The following EMC2 variants were observed in gnomAD, a reference collection of about 807,000 sequenced individuals.
EMC2 encodes the protein TPR repeat protein 35.
EMC2 carries 37 observed loss-of-function variants against 51.6 expected under a neutral mutation model. That is an observed-to-expected ratio of 0.72 (90% CI 0.55 to 0.94). The LOEUF (loss-of-function observed/expected upper bound fraction) is 0.94, where lower values mean the gene tolerates loss of function less well. Among genes scored for constraint, EMC2 ranks in the 40% least tolerant of loss-of-function variants. EMC2 has a pLI of 0.00. For missense variants in EMC2, 359 were observed against 350.9 expected, an observed-to-expected ratio of 1.02 and a Z score of -0.18; for synonymous variants, 131 against 112.4, an observed-to-expected ratio of 1.17 and a Z score of -1.04.
At chr8:108,443,818 G>A (rs1033892542) in intron 1 of EMC2, 120 bp downstream of exon 1, 41 of 833,168 alleles carry the variant, frequency 4.9e-5, no homozygotes, top group Middle Eastern at 5.3e-4. Flanking sequence ...AGCCCTCACT[G>A]TACGGGCCAA....
At chr8:108,462,828 G>A (rs964218377) in intron 5 of EMC2, among the ~76,000 whole-genome samples, 3 of 151,194 alleles carry the variant, frequency 2.0e-5, no homozygotes, top group African/African-American at 7.3e-5. Context: ...GCTCTGTGCC[G>A]GGATTACAGG....
chr8:108,449,763 C>T (rs143335929), intron 1 of EMC2, 60 bp from the exon 2 acceptor site: 19 of 677,112 alleles, frequency 2.8e-5, no homozygotes, highest in African/African-American at 1.3e-4. Flanking sequence ...TGACATCTAT[C>T]GGATGTGTAT....
intron 4 of EMC2, 77 bp from the exon 5 acceptor site, chr8:108,455,796 A>T (rs1325164217): frequency 9.1e-6 from 5 of 551,072 alleles, no homozygotes; most frequent in Non-Finnish European, 1.6e-5. Context: ...AGCCAGTTTA[A>T]TTTTTTTCTG....
At position 108,488,523 on chromosome 8, in the gene EMC2, C is replaced by T. The variant is rs1406532569; in HGVS notation, c.*1925C>T. On this transcript the variant is annotated 3_prime_UTR_variant, in exon 11 of 11. Coordinates refer to ENST00000220853, the MANE Select transcript of EMC2 (RefSeq NM_014673.5). ...TCCAAGATTTTATATTTGTTAAGCACATTGCCAATCCTTAGTTATTTATAA... is the reference window on the plus strand; with the variant it reads ...TCCAAGATTTTATATTTGTTAAGCATATTGCCAATCCTTAGTTATTTATAA... 1.3e-5 allele frequency among the ~76,000 whole-genome samples: 2 copies of T among 152,144 alleles called. No homozygotes were observed. The highest frequency in any genetic ancestry group is 4.8e-5 in the African/African-American group (2 of 41,432).
intron 5 of EMC2, among the ~76,000 whole-genome samples, chr8:108,456,608 T>A (rs1231581793): frequency 6.6e-6 from 1 of 152,150 alleles, no homozygotes; most frequent in Non-Finnish European, 1.5e-5. Context: ...CATACCCCTT[T>A]AATTTAGTGT....
In EMC2 at chr8:108,488,386, C is replaced by T. The variant is rs572722418; in HGVS notation, c.*1788C>T. Among the ~76,000 whole-genome samples, 67 of 152,166 alleles carry T rather than the reference C, an allele frequency of 4.4e-4. No homozygotes were observed. The highest frequency in any genetic ancestry group is 1.5e-3 in the African/African-American group (64 of 41,526). The stretch of plus-strand genomic sequence containing the variant: ...TGTTGGCCAGGCTGGTCTGAAACTC[C>T]TGGCCTCAAGTGATCTACCCGCCTC... On this transcript the variant is annotated 3_prime_UTR_variant, in exon 11 of 11. Coordinates refer to ENST00000220853, the MANE Select transcript of EMC2 (RefSeq NM_014673.5).
chr8:108,450,377 G>A, intron 2 of EMC2, 51 bp from the exon 3 acceptor site: 1 of 995,776 alleles, frequency 1.0e-6, no homozygotes, highest in Non-Finnish European at 1.6e-6. Flanking sequence ...TTTCCATTTG[G>A]GTTTGTTTTA....
intron 5 of EMC2, among the ~76,000 whole-genome samples, chr8:108,457,403 A>G (rs898788525): frequency 4.6e-4 from 68 of 149,410 alleles, no homozygotes; most frequent in African/African-American, 1.4e-3. Context: ...CATGCTGTCT[A>G]TGTATTAGTC....
Position 108,488,262 on chromosome 8 carries a change from A to G in EMC2, c.*1664A>G, listed in dbSNP as rs1263541693. Among the ~76,000 whole-genome samples, 2 of 151,568 alleles carry G rather than the reference A, an allele frequency of 1.3e-5. No individual in the cohort carries two copies. The highest frequency in any genetic ancestry group is 1.3e-4 in the Admixed American group (2 of 15,206). Reference sequence around the variant, plus strand: ...TCACTGCAACCTCCTCCCGGGTTCAAGCGATTCTTGTGCCTCAGCCTCTGA... The same window carrying G: ...TCACTGCAACCTCCTCCCGGGTTCAGGCGATTCTTGTGCCTCAGCCTCTGA... On this transcript the variant is annotated 3_prime_UTR_variant, in exon 11 of 11. Coordinates refer to ENST00000220853, the MANE Select transcript of EMC2 (RefSeq NM_014673.5).
At chr8:108,459,703 T>TGA (rs71303985) in intron 5 of EMC2, among the ~76,000 whole-genome samples, 6,527 of 126,234 alleles carry the variant, frequency 0.052, 182 homozygotes, top group South Asian at 0.12. Context: ...CCAAGCCATG[T>TGA]GAGAGAGAGA....
chr8:108,469,503 T>G (rs1297454134), intron 5 of EMC2, among the ~76,000 whole-genome samples: 1 of 152,168 alleles, frequency 6.6e-6, no homozygotes, highest in East Asian at 1.9e-4. Flanking sequence ...ATCTTATGAA[T>G]GAGACAGAGT....
chr8:108,458,071 C>T (rs536133784), intron 5 of EMC2, among the ~76,000 whole-genome samples: 21 of 152,318 alleles, frequency 1.4e-4, no homozygotes, highest in South Asian at 4.1e-4. Flanking sequence ...TGAAATCCAG[C>T]GGGGCAGTGG....
At chr8:108,459,285 T>C (rs577209381) in intron 5 of EMC2, among the ~76,000 whole-genome samples, 1 of 152,306 alleles carries the variant, frequency 6.6e-6, no homozygotes, top group African/African-American at 2.4e-5. Flanking sequence ...CAAAGTTGCT[T>C]CCACATTTTC....
chr8:108,480,542 C>G (rs1811027573), intron 10 of EMC2, among the ~76,000 whole-genome samples: 1 of 152,180 alleles, frequency 6.6e-6, no homozygotes, highest in Non-Finnish European at 1.5e-5. Context: ...CTTCAGCCCT[C>G]TGTTCTGTTT....
At chr8:108,482,019 A>G (rs1437642806) in intron 10 of EMC2, among the ~76,000 whole-genome samples, 1 of 152,172 alleles carries the variant, frequency 6.6e-6, no homozygotes, top group African/African-American at 2.4e-5. Flanking sequence ...ATATATGTGC[A>G]GTTCTGTATA....
Position 108,486,826 on chromosome 8 carries a change from C to G in EMC2, c.*228C>G, listed in dbSNP as rs1405635998. 1 of 386,644 alleles carries G rather than the reference C, an allele frequency of 2.6e-6. No homozygotes were observed. Among genetic ancestry groups the G allele is most frequent in the Non-Finnish European group, 4.6e-6 (1 of 218,768 alleles). The allele number at this position is 386,644 out of a possible 1,614,324, so 24.0% of individuals were successfully genotyped here. On this transcript the variant is annotated 3_prime_UTR_variant, in exon 11 of 11. Coordinates refer to ENST00000220853, the MANE Select transcript of EMC2 (RefSeq NM_014673.5). ...GATTTAAGACTTATTGATTGTACATCAGTCTCTTCATATCACATATACATG... is the reference window on the plus strand; with the variant it reads ...GATTTAAGACTTATTGATTGTACATGAGTCTCTTCATATCACATATACATG...
intron 9 of EMC2, among the ~76,000 whole-genome samples, 180 bp downstream of exon 9, chr8:108,477,072 C>T (rs560103592): frequency 6.6e-6 from 1 of 151,924 alleles, no homozygotes; most frequent in Non-Finnish European, 1.5e-5. Flanking sequence ...GTTAACACAG[C>T]CTAGCTGTTT....
At chr8:108,484,219 G>A (rs183629383) in intron 10 of EMC2, among the ~76,000 whole-genome samples, 14 of 152,166 alleles carry the variant, frequency 9.2e-5, no homozygotes, top group Non-Finnish European at 1.8e-4. Context: ...GATTGCAGCA[G>A]TGATTCTGTT....
intron 5 of EMC2, among the ~76,000 whole-genome samples, chr8:108,461,030 C>A (rs1819306721): frequency 6.6e-6 from 1 of 152,140 alleles, no homozygotes; most frequent in Non-Finnish European, 1.5e-5. Context: ...CATAAAAGAC[C>A]TAGAACTAAT....
Sources: gnomAD v4.1 joint callset for allele counts (sites outside exome capture counted in the v4.1 genomes callset) on GRCh38, gnomAD v4.1.1 for gene constraint, MANE v1.5 for transcripts, NCBI Gene and HGNC (gene_info 2026-07-23, HGNC 2026-07-21) for gene names.